RASGRF2: variants seen among roughly 807,000 people sequenced by gnomAD.
RASGRF2 encodes Ras protein specific guanine nucleotide releasing factor 2.
In RASGRF2, 76 loss-of-function variants were observed where a neutral mutation model predicts 151.0. The observed-to-expected ratio is 0.50, with a 90% CI of 0.42 to 0.61. The LOEUF is 0.61. RASGRF2 is among the 20% of genes least tolerant of loss of function. The pLI, the probability that RASGRF2 is intolerant of heterozygous loss-of-function variation, is 0.00. For synonymous variants in RASGRF2, 504 were observed against 566.5 expected (o/e 0.89, Z 1.57); for missense variants, 1,148 against 1,564.6 (o/e 0.73, Z 4.49).
chr5:81,159,926 ATATGTGT>A (rs1241949281), intron 17 of RASGRF2, among the ~76,000 whole-genome samples: 2 of 152,178 alleles, frequency 1.3e-5, no homozygotes, highest in Non-Finnish European at 2.9e-5. Flanking sequence ...GCAAAAGTTG[ATATGTGT>A]TAGGTGAACT....
chr5:81,225,984 C>T lies in RASGRF2; in HGVS notation c.*214C>T. 2.2e-6 allele frequency: 1 copy of T among 448,920 alleles called. No individual in the cohort carries two copies. The highest frequency in any genetic ancestry group is 3.8e-6 in the Non-Finnish European group (1 of 264,144). The allele number at this position is 448,920 out of a possible 1,614,324, so 27.8% of individuals were successfully genotyped here. ...ACTTGGGTGGGAAGGTGAAAGATGG[C>T]TATTTAGAAAGCTGGTGGCACGTTT... On this transcript the variant is annotated 3_prime_UTR_variant, in exon 27 of 27. Coordinates refer to ENST00000265080, the MANE Select transcript of RASGRF2 (RefSeq NM_006909.3).
chr5:81,013,814 T>C (rs373267486), intron 1 of RASGRF2, among the ~76,000 whole-genome samples: 17 of 152,260 alleles, frequency 1.1e-4, no homozygotes, highest in Middle Eastern at 3.4e-3. Context: ...CAGTGTTCTC[T>C]TACCAGTGTT....
rs1028490492 is a variant in RASGRF2 at position 81,219,856 on chromosome 5, G to A, written c.3621+78G>A. On this transcript the variant is annotated intron_variant, in intron 26 of 26. Coordinates refer to ENST00000265080, the MANE Select transcript of RASGRF2 (RefSeq NM_006909.3). ...GAATTAGAAAACAACAGTAAAAGTT[G>A]ATCCAAAATACCAAAAGCTAGCTCA... 160 of 1,172,246 alleles carry A rather than the reference G, an allele frequency of 1.4e-4. 1 individual carries two copies. The highest frequency in any genetic ancestry group is 1.5e-4 in the Non-Finnish European group (126 of 825,336). The allele number at this position is 1,172,246 out of a possible 1,614,324, so 72.6% of individuals were successfully genotyped here.
chr5:81,074,964 TAA>T (rs1382800321), intron 5 of RASGRF2, among the ~76,000 whole-genome samples: 2 of 152,158 alleles, frequency 1.3e-5, no homozygotes, highest in Non-Finnish European at 2.9e-5. Flanking sequence ...ACTTTTGCTC[TAA>T]ATGAGATGGG....
chr5:81,039,165 C>T (rs946495600), intron 1 of RASGRF2, among the ~76,000 whole-genome samples: 2 of 152,118 alleles, frequency 1.3e-5, no homozygotes, highest in Non-Finnish European at 2.9e-5. Context: ...ATAACATTTT[C>T]TCCTTAGCCT....
At chr5:81,030,928 T>A (rs1044014291) in intron 1 of RASGRF2, among the ~76,000 whole-genome samples, 6 of 152,060 alleles carry the variant, frequency 3.9e-5, no homozygotes, top group Admixed American at 2.0e-4. Flanking sequence ...AGACACACAT[T>A]GGCTCAAAAT....
chr5:81,050,268 G>T (rs1750970241), intron 2 of RASGRF2, among the ~76,000 whole-genome samples: 1 of 152,186 alleles, frequency 6.6e-6, no homozygotes, highest in East Asian at 1.9e-4. Context: ...AGTTACTAGA[G>T]TGCCCTTTCT....
chr5:81,224,560 A>C (rs779594456), intron 26 of RASGRF2, among the ~76,000 whole-genome samples: 1 of 152,254 alleles, frequency 6.6e-6, no homozygotes, highest in African/African-American at 2.4e-5. Flanking sequence ...GGAAAATGAA[A>C]GCATGCTCAT....
At chr5:81,104,043 A>G (rs1467669009) in intron 12 of RASGRF2, among the ~76,000 whole-genome samples, 2 of 152,126 alleles carry the variant, frequency 1.3e-5, no homozygotes, top group Non-Finnish European at 2.9e-5. Context: ...ATAAGAAAAG[A>G]GGAATGAAAG....
At chr5:81,039,430 A>C (rs1750611513) in intron 1 of RASGRF2, among the ~76,000 whole-genome samples, 1 of 152,188 alleles carries the variant, frequency 6.6e-6, no homozygotes, top group Admixed American at 6.5e-5. Flanking sequence ...TCAATAAAAT[A>C]TTTAATTCAT....
rs1167523107 is a variant in RASGRF2 at position 81,228,745 on chromosome 5, T to C, written c.*2975T>C. On this transcript the variant is annotated 3_prime_UTR_variant, in exon 27 of 27. Transcript: ENST00000265080. Reference sequence around the variant, plus strand: ...GACAAATCTCTTACCTAATCCAATATATTATTTGACAGATTCAGGCATGAA... The same window carrying C: ...GACAAATCTCTTACCTAATCCAATACATTATTTGACAGATTCAGGCATGAA... The C allele has an allele frequency of 2.0e-5, 3 of 152,216 alleles. No individual in the cohort carries two copies. Among genetic ancestry groups the C allele is most frequent in the Non-Finnish European group, 4.4e-5 (3 of 68,032 alleles). 9.4% of individuals were successfully genotyped at this position (152,216 alleles called of 1,614,324 possible).
At chr5:81,136,617 G>T (rs1364090894) in intron 17 of RASGRF2, among the ~76,000 whole-genome samples, 1 of 152,096 alleles carries the variant, frequency 6.6e-6, no homozygotes, top group East Asian at 1.9e-4. Flanking sequence ...TATTTATTCT[G>T]CTTGGTGTTC....
rs370361765 is a variant in RASGRF2 at position 81,139,822 on chromosome 5, G to A, written c.2686+12659G>A. ...TCCGTACACATCCCATTGGAATTCAGACTTTTTTTATTTTTTGAGAGATAG... is the reference window on the plus strand; with the variant it reads ...TCCGTACACATCCCATTGGAATTCAAACTTTTTTTATTTTTTGAGAGATAG... On this transcript the variant is annotated intron_variant, in intron 17 of 26. Coordinates refer to ENST00000265080, the MANE Select transcript of RASGRF2 (RefSeq NM_006909.3). Among the ~76,000 whole-genome samples the A allele has an allele frequency of 3.3e-5, 5 of 152,010 alleles. No individual in the cohort carries two copies. In the East Asian group the frequency reaches 5.8e-4, roughly 18 times the overall value.
chr5:81,160,009 C>T (rs535045553), intron 17 of RASGRF2, among the ~76,000 whole-genome samples: 4 of 152,128 alleles, frequency 2.6e-5, no homozygotes, highest in Non-Finnish European at 4.4e-5. Context: ...CGAAGCAGGC[C>T]GGGTGCAGTG....
intron 1 of RASGRF2, among the ~76,000 whole-genome samples, chr5:81,036,809 C>T (rs938891039): frequency 3.9e-5 from 6 of 152,112 alleles, no homozygotes; most frequent in African/African-American, 1.4e-4. Flanking sequence ...ACCATAGTTT[C>T]CTGACCCTCT....
chr5:81,087,077 G>C, intron 9 of RASGRF2, 124 bp downstream of exon 9: 1 of 892,172 alleles, frequency 1.1e-6, no homozygotes, highest in Non-Finnish European at 1.8e-6. Flanking sequence ...CCCCCCCACG[G>C]CCTTCGCCGA....
At chr5:80,999,240 G>A (rs1442494661) in intron 1 of RASGRF2, among the ~76,000 whole-genome samples, 2 of 152,098 alleles carry the variant, frequency 1.3e-5, no homozygotes, top group Non-Finnish European at 2.9e-5. Flanking sequence ...TACCTGGCTG[G>A]GAGGATCTTC....
chr5:81,086,759 T>G, intron 8 of RASGRF2, 76 bp from the exon 9 acceptor site: 1 of 1,198,082 alleles, frequency 8.3e-7, no homozygotes, highest in Non-Finnish European at 1.2e-6. Flanking sequence ...GCTTCTCAGA[T>G]GGAGCTCTTC....
chr5:81,081,959 C>T (rs548963000), intron 7 of RASGRF2, among the ~76,000 whole-genome samples: 11 of 152,180 alleles, frequency 7.2e-5, no homozygotes, highest in Admixed American at 3.9e-4. Flanking sequence ...TTTAAAACAA[C>T]TATCTACATA....
Sources: allele counts gnomAD v4.1 joint callset (sites outside exome capture counted in the v4.1 genomes callset), GRCh38; gene constraint gnomAD v4.1.1; transcripts MANE v1.5; gene names NCBI Gene and HGNC (gene_info 2026-07-23, HGNC 2026-07-21).